Variants in HAPLN4 observed in about 807,000 individuals in gnomAD.
HAPLN4 encodes the protein hyaluronan and proteoglycan link protein 4.
Under a neutral mutation model 28.0 loss-of-function variants are expected in HAPLN4, and 19 were observed. That is an observed-to-expected ratio of 0.68 (90% CI 0.47 to 1.00). The LOEUF is 1.00. HAPLN4 is among the 50% of genes least tolerant of loss of function. HAPLN4 has a pLI of 0.00. For missense variants in HAPLN4, 587 were observed against 602.6 expected (o/e 0.97, Z 0.27); for synonymous variants, 274 against 273.0 (o/e 1.00, Z -0.03).
At chr19:19,262,177 G>A (rs1370071317) in intron 1 of HAPLN4, among the ~76,000 whole-genome samples, 2 of 150,714 alleles carry the variant, frequency 1.3e-5, no homozygotes, top group African/African-American at 4.9e-5. Context: ...CAGAGGGAGA[G>A]ACAGAGGGGC....
Position 19,257,517 on chromosome 19 carries a change from C to T in HAPLN4, c.*300G>A. On this transcript the variant is annotated 3_prime_UTR_variant, in exon 5 of 5. Transcript: ENST00000291481. ...AGGAGGCGTGGCCAGTCTTCAGGAGCCTGCGGGTTCTGCTGGCCTCCTGAG... is the reference window on the plus strand; with the variant it reads ...AGGAGGCGTGGCCAGTCTTCAGGAGTCTGCGGGTTCTGCTGGCCTCCTGAG... The T allele has an allele frequency of 3.1e-6, 1 of 323,318 alleles. No homozygotes were observed. The highest frequency in any genetic ancestry group is 1.5e-4 in the South Asian group (1 of 6,522). 20.0% of individuals were successfully genotyped at this position (323,318 alleles called of 1,614,324 possible).
intron 1 of HAPLN4, chr19:19,261,799 C>G (rs999790784): frequency 2.9e-4 from 134 of 458,404 alleles, no homozygotes; most frequent in Non-Finnish European, 4.6e-4. Flanking sequence ...CAGATCCCGC[C>G]TCATTCCCCC....
At position 19,258,662 on chromosome 19, in the gene HAPLN4, GGGCCGGTTCACGGGGTATTGCACT is replaced by G. The variant is rs1175395136; in HGVS notation, c.654_677del (p.Val219_Pro226del). On this transcript the variant is annotated inframe_deletion, in exon 4 of 5. Transcript: ENST00000291481. This position sits in a 1 kb window ranked among gnomAD's most constrained non-coding sequence, Gnocchi z 6.2. ...CCCCCAGGCCGCCGCAGGGCTCCCGGGGCCGGTTCACGGGGTATTGCACTGAGCCGTCGCGCAACCAGCCCGCGT... is the reference window on the plus strand; with the variant it reads ...CCCCCAGGCCGCCGCAGGGCTCCCGGGAGCCGTCGCGCAACCAGCCCGCGT... The G allele has an allele frequency of 6.2e-7, 1 of 1,610,472 alleles. No homozygotes were observed. Among genetic ancestry groups the G allele is most frequent in the Non-Finnish European group, 8.5e-7 (1 of 1,178,564 alleles).
rs1429734025 is a variant in HAPLN4, at chr19:19,258,403, C to T, written c.817+120G>A. ...TGGTACCAGGCGGTGTGTGCTGCGC[C>T]TAGGCACTCTTGGGAGAGGGGTCTC... On this transcript the variant is annotated intron_variant, in intron 4 of 4. Transcript: ENST00000291481. The surrounding 1 kb of genome is among the most constrained non-coding windows in gnomAD (Gnocchi z 6.2). 6.8e-6 allele frequency: 8 copies of T among 1,184,908 alleles called. No homozygotes were observed. Among genetic ancestry groups the T allele is most frequent in the East Asian group, 2.5e-5 (1 of 40,116 alleles). 73.4% of individuals were successfully genotyped at this position (1,184,908 alleles called of 1,614,324 possible).
chr19:19,258,684 A>T lies in HAPLN4; in HGVS notation c.656T>A (p.Val219Glu). ...CCGGGGCCGGTTCACGGGGTATTGC[A>T]CTGAGCCGTCGCGCAACCAGCCCGC... ...CNAGWLRDGS[V>E]QYPVNRPREP... The change falls in exon 4 of 5, where the codon GTG becomes GAG. Residue 219 changes from valine to glutamate, a missense_variant. Physicochemically the swap from Val to Glu is moderately radical, Grantham distance 121. Transcript: ENST00000291481. This position sits in a 1 kb window ranked among gnomAD's most constrained non-coding sequence, Gnocchi z 6.2. 1 of 1,608,794 alleles carries T rather than the reference A, an allele frequency of 6.2e-7. No homozygotes were observed. The highest frequency in any genetic ancestry group is 8.5e-7 in the Non-Finnish European group (1 of 1,178,240).
intron 3 of HAPLN4, among the ~76,000 whole-genome samples, chr19:19,259,153 A>C (rs2060976063): frequency 6.6e-6 from 1 of 152,026 alleles, no homozygotes; most frequent in Non-Finnish European, 1.5e-5. Context: ...ACTCCTATTC[A>C]TCCTTCAAAA....
chr19:19,259,793 T>A (rs1240210612), intron 3 of HAPLN4, among the ~76,000 whole-genome samples: 1 of 152,180 alleles, frequency 6.6e-6, no homozygotes, highest in Admixed American at 6.5e-5. Context: ...AAATCTCACC[T>A]AGAATCTTCT....
chr19:19,257,870 C>A lies in HAPLN4; in HGVS notation c.1156G>T (p.Gly386Cys). The part of the protein sequence containing the change: ...GWGWGWAGGG[G>C]WAGGARDPAA... Reference sequence around the variant, plus strand: ...GGATCGCGCGCGCCCCCTGCCCAGCCGCCGCCGCCCGCCCAGCCCCAGCCC... The same window carrying A: ...GGATCGCGCGCGCCCCCTGCCCAGCAGCCGCCGCCCGCCCAGCCCCAGCCC... Residue 386 changes from glycine (G) to cysteine (C), a missense_variant, in exon 5 of 5, where the codon GGC becomes TGC. Coordinates refer to ENST00000291481, the MANE Select transcript of HAPLN4 (RefSeq NM_023002.3). 1 of 1,431,230 alleles carries A rather than the reference C, an allele frequency of 7.0e-7. No homozygotes were observed. Among genetic ancestry groups the A allele is most frequent in the Admixed American group, 3.1e-5 (1 of 32,582 alleles). 88.7% of individuals were successfully genotyped at this position (1,431,230 alleles called of 1,614,324 possible).
At chr19:19,261,363 G>A (rs1011972730) in intron 2 of HAPLN4, 83 bp downstream of exon 2, 1 of 1,358,792 alleles carries the variant, frequency 7.4e-7, no homozygotes, top group Non-Finnish European at 1.1e-6. Context: ...CGGACGTCAG[G>A]AACGCCCTAC....
chr19:19,262,213 G>A (rs1315798970), intron 1 of HAPLN4, among the ~76,000 whole-genome samples: 1 of 150,994 alleles, frequency 6.6e-6, no homozygotes, highest in East Asian at 1.9e-4. Context: ...GATGGAGAGG[G>A]AAAGACAGAG....
chr19:19,260,306 T>C (rs1351927952), intron 3 of HAPLN4, among the ~76,000 whole-genome samples: 1 of 152,172 alleles, frequency 6.6e-6, no homozygotes, highest in African/African-American at 2.4e-5. Flanking sequence ...AACCTCCACC[T>C]CCCGGGTTCA....
Position 19,258,206 on chromosome 19 carries a change from GC to G in HAPLN4, c.819del (p.Arg274AlafsTer5). On this transcript the variant is annotated frameshift_variant and splice_region_variant, in exon 5 of 5. Coordinates refer to ENST00000291481, the MANE Select transcript of HAPLN4 (RefSeq NM_023002.3). LOFTEE classifies it low-confidence loss of function (END_TRUNC). The surrounding 1 kb of genome is among the most constrained non-coding windows in gnomAD (Gnocchi z 6.2). ...DAFCFTSNLP[G>X]RVFFLKPLRP... ...CGCAGCGGCTTCAGGAAGAACACGCGCCCTGCGGGGGTGAGGTGGGGGGTGG... is the reference window on the plus strand; with the variant it reads ...CGCAGCGGCTTCAGGAAGAACACGCGCCTGCGGGGGTGAGGTGGGGGGTGG... The G allele has an allele frequency of 6.7e-7, 1 of 1,491,978 alleles. No homozygotes were observed. The highest frequency in any genetic ancestry group is 2.2e-5 in the Admixed American group (1 of 44,954). 92.4% of individuals were successfully genotyped at this position (1,491,978 alleles called of 1,614,324 possible).
intron 1 of HAPLN4, among the ~76,000 whole-genome samples, chr19:19,261,866 GGGATA>G (rs931079609): frequency 2.6e-5 from 4 of 152,166 alleles, no homozygotes; most frequent in East Asian, 1.9e-4. Flanking sequence ...GCCCGGGCCG[GGGATA>G]GGGGGGTGGG....
chr19:19,262,715 C>T lies in HAPLN4; in HGVS notation c.3+15G>A. On this transcript the variant is annotated intron_variant, in intron 1 of 4. Coordinates refer to ENST00000291481, the MANE Select transcript of HAPLN4 (RefSeq NM_023002.3). Reference sequence around the variant, plus strand: ...AGACGGGGCACACACCACCCGCGCCCGCAGCCCCACTTACCATCTTGCCCG... The same window carrying T: ...AGACGGGGCACACACCACCCGCGCCTGCAGCCCCACTTACCATCTTGCCCG... 6.2e-7 allele frequency: 1 copy of T among 1,612,396 alleles called. No homozygotes were observed. The highest frequency in any genetic ancestry group is 8.5e-7 in the Non-Finnish European group (1 of 1,179,278).
chr19:19,257,682 G>T lies in HAPLN4; in HGVS notation c.*135C>A. 9.0e-7 allele frequency: 1 copy of T among 1,108,236 alleles called. No individual in the cohort carries two copies. Among genetic ancestry groups the T allele is most frequent in the East Asian group, 3.1e-5 (1 of 31,922 alleles). The allele number at this position is 1,108,236 out of a possible 1,614,324, so 68.7% of individuals were successfully genotyped here. On this transcript the variant is annotated 3_prime_UTR_variant, in exon 5 of 5. Coordinates refer to ENST00000291481, the MANE Select transcript of HAPLN4 (RefSeq NM_023002.3). Reference sequence around the variant, plus strand: ...GACTAGCCAGTCTTCAGGGACCCCAGGGGCACAGTTAGTTTGTAAGGGACC... The same window carrying T: ...GACTAGCCAGTCTTCAGGGACCCCATGGGCACAGTTAGTTTGTAAGGGACC...
At chr19:19,261,318 CGA>C in intron 2 of HAPLN4, 126 bp downstream of exon 2, 1 of 1,240,228 alleles carries the variant, frequency 8.1e-7, no homozygotes, top group South Asian at 1.3e-5. Flanking sequence ...AGGGAGAGGG[CGA>C]GGGGCTCAGA....
At position 19,258,563 on chromosome 19, in the gene HAPLN4, C is replaced by T. The variant is rs779091799; in HGVS notation, c.777G>A (p.Glu259=). 3.1e-6 allele frequency: 5 copies of T among 1,613,744 alleles called. No individual in the cohort carries two copies. In the Admixed American group the frequency reaches 8.3e-5, roughly 27 times the overall value. Residue 259 remains glutamate, a synonymous_variant, in exon 4 of 5, where the codon GAG becomes GAA. Transcript: ENST00000291481. This position sits in a 1 kb window ranked among gnomAD's most constrained non-coding sequence, Gnocchi z 6.2. Reference sequence around the variant, plus strand: ...TGAAGCAGAAGGCGTCGTAGCGTTCCTCGGCGTTATGGCGATACCCGTAGT... The same window carrying T: ...TGAAGCAGAAGGCGTCGTAGCGTTCTTCGGCGTTATGGCGATACCCGTAGT... ...LRNYGYRHNA[E]ERYDAFCFTS...
In HAPLN4 at chr19:19,257,721, C is replaced by G; in HGVS notation, c.*96G>C. ...TTGTAAGGGACCACAGGGAATGTGGCCAGTGTCCAGGGCTTCAAGGGCGTG... is the reference window on the plus strand; with the variant it reads ...TTGTAAGGGACCACAGGGAATGTGGGCAGTGTCCAGGGCTTCAAGGGCGTG... On this transcript the variant is annotated 3_prime_UTR_variant, in exon 5 of 5. Transcript: ENST00000291481. The G allele has an allele frequency of 7.7e-7, 1 of 1,306,032 alleles. No individual in the cohort carries two copies. Among genetic ancestry groups the G allele is most frequent in the Non-Finnish European group, 9.8e-7 (1 of 1,018,208 alleles). 80.9% of individuals were successfully genotyped at this position (1,306,032 alleles called of 1,614,324 possible). A position where few individuals can be genotyped will look rare whatever the true frequency, so the allele number is the denominator to read the frequency against.
In HAPLN4 at chr19:19,258,054, G is replaced by A. The variant is rs759165270; in HGVS notation, c.972C>T (p.Ala324=). 6.4e-7 allele frequency: 1 copy of A among 1,550,950 alleles called. No individual in the cohort carries two copies. The change falls in exon 5 of 5, where the codon GCC becomes GCT. Residue 324 remains alanine (A), a synonymous_variant. Coordinates refer to ENST00000291481, the MANE Select transcript of HAPLN4 (RefSeq NM_023002.3). This position sits in a 1 kb window ranked among gnomAD's most constrained non-coding sequence, Gnocchi z 6.2. Reference sequence around the variant, plus strand: ...CGATGGGGTAGCGCGCACTGCCATCGGCCAGCCAACCCGCGGTGCAGCGGT... The same window carrying A: ...CGATGGGGTAGCGCGCACTGCCATCAGCCAGCCAACCCGCGGTGCAGCGGT... ...LLDRCTAGWL[A]DGSARYPIVN... is the part of the protein sequence containing the mutation.
Sources: gnomAD v4.1 joint callset for allele counts (sites outside exome capture counted in the v4.1 genomes callset) on GRCh38, gnomAD v4.1.1 for gene constraint, Gnocchi (gnomAD v3.1) non-coding constraint, MANE v1.5 for transcripts, NCBI Gene and HGNC (gene_info 2026-07-23, HGNC 2026-07-21) for gene names.